SETD4: variants seen among roughly 807,000 people sequenced by gnomAD.
SETD4 encodes the protein SET domain-containing protein 4.
A neutral mutation model predicts 58.3 loss-of-function variants in SETD4; 46 were observed. The observed-to-expected ratio is 0.79, with a 90% CI of 0.62 to 1.01. The LOEUF (loss-of-function observed/expected upper bound fraction) is 1.01, where lower values mean the gene tolerates loss of function less well. SETD4 is among the 50% of genes least tolerant of loss of function. The pLI is 0.00. For missense variants in SETD4, 490 were observed against 523.3 expected, an observed-to-expected ratio of 0.94 and a Z score of 0.62; for synonymous variants, 190 against 202.6, an observed-to-expected ratio of 0.94 and a Z score of 0.53.
intron 4 of SETD4, among the ~76,000 whole-genome samples, chr21:36,051,778 T>C (rs1301372972): frequency 6.6e-6 from 1 of 152,252 alleles, no homozygotes; most frequent in Admixed American, 6.5e-5. Flanking sequence ...AGATTTGTCA[T>C]CAGTGAGGAA....
chr21:36,048,381 T>C lies in SETD4; in HGVS notation c.223A>G (p.Ile75Val). Residue 75 changes from isoleucine to valine, a missense_variant, in exon 5 of 12, where the codon ATT becomes GTT. By Grantham distance (29) the Ile-to-Val change is conservative. Transcript: ENST00000332131. The part of the protein sequence containing the change: ...QTSLQEGQMI[I>V]SLPESCLLTT... The stretch of plus-strand genomic sequence containing the variant: ...AGCAGGCAACTCTCAGGCAACGAAA[T>C]AATCATCTGTCCCTCCTGGCCAAAA... The C allele has an allele frequency of 6.2e-7, 1 of 1,614,052 alleles. No individual in the cohort carries two copies. Among genetic ancestry groups the C allele is most frequent in the Admixed American group, 1.7e-5 (1 of 60,012 alleles).
At chr21:36,047,371 C>G (rs73370446) in intron 5 of SETD4, among the ~76,000 whole-genome samples, 1,768 of 152,268 alleles carry the variant, frequency 0.012, 32 homozygotes, top group African/African-American at 0.042. Context: ...CCCAGCAGAA[C>G]GTGTGCCAGA....
intron 7 of SETD4, 25 bp downstream of exon 7, chr21:36,043,757 T>A: frequency 2.5e-6 from 4 of 1,612,446 alleles, no homozygotes; most frequent in Non-Finnish European, 3.4e-6. Flanking sequence ...ATAGTGTTAA[T>A]GTTAAGAACA....
chr21:36,053,662 C>T lies in SETD4; in HGVS notation c.170-42G>A, dbSNP rs748457007. ...AGAAAGAGAGTAAATCCTACCATAA[C>T]TTCAAGGTCCCAGAGATAACTATTA... On this transcript the variant is annotated intron_variant, in intron 3 of 11. Transcript: ENST00000332131. The T allele has an allele frequency of 1.1e-4, 177 of 1,594,734 alleles. No individual in the cohort carries two copies. In the South Asian group the frequency reaches 1.8e-3, roughly 16 times the overall value.
chr21:36,048,185 G>T, intron 5 of SETD4, 123 bp downstream of exon 5: 1 of 827,804 alleles, frequency 1.2e-6, no homozygotes, highest in African/African-American at 1.7e-5. Context: ...ACATCATTCA[G>T]GTTATTTATC....
chr21:36,059,186 C>T, intron 1 of SETD4: 2 of 236,674 alleles, frequency 8.5e-6, no homozygotes, highest in Non-Finnish European at 1.6e-5. Flanking sequence ...TCTTGCAGAC[C>T]TAGTGACTAC....
Sources: gnomAD v4.1 joint callset for allele counts (sites outside exome capture counted in the v4.1 genomes callset) on GRCh38, gnomAD v4.1.1 for gene constraint, MANE v1.5 for transcripts, NCBI Gene and HGNC (gene_info 2026-07-23, HGNC 2026-07-21) for gene names.